ITGA1: variants seen among roughly 807,000 people sequenced by gnomAD.
ITGA1 encodes the protein integrin subunit alpha 1.
ITGA1 carries 85 observed loss-of-function variants against 145.9 expected under a neutral mutation model. The ratio of observed to expected loss-of-function variants is 0.58; its 90% CI spans 0.49 to 0.70. The LOEUF (loss-of-function observed/expected upper bound fraction) is 0.70. Among genes scored for constraint, ITGA1 ranks in the 30% least tolerant of loss-of-function variants. The pLI, the probability that ITGA1 is intolerant of heterozygous loss-of-function variation, is 0.00. For missense variants in ITGA1, 1,351 were observed against 1,418.7 expected (o/e 0.95, Z 0.77); for synonymous variants, 520 against 495.3 (o/e 1.05, Z -0.66).
In ITGA1 at chr5:52,926,737, C is replaced by T. The variant is rs533967106; in HGVS notation, c.2614-847C>T. ...CTCCTATGCTGACTTAATGGCCTGG[C>T]AGAGAGGCATAGCTAAAAAATCTGA... is the stretch of plus-strand genomic sequence containing the variant. On this transcript the variant is annotated intron_variant, in intron 19 of 28. Transcript: ENST00000282588. 2.5e-4 allele frequency among the ~76,000 whole-genome samples: 38 copies of T among 152,078 alleles called. 1 individual carries two copies. In the South Asian group the frequency reaches 4.8e-3, roughly 19 times the overall value.
chr5:52,927,752 T>C, intron 20 of ITGA1, 88 bp downstream of exon 20: 1 of 854,600 alleles, frequency 1.2e-6, no homozygotes, highest in Non-Finnish European at 1.9e-6. Flanking sequence ...CCAATGGTAG[T>C]TTAGGATAAT....
Position 52,858,365 on chromosome 5 carries a change from G to A in ITGA1, c.183-3082G>A, listed in dbSNP as rs558958993. On this transcript the variant is annotated intron_variant, in intron 2 of 28. Transcript: ENST00000282588. ...CTACTTGGCATTTATCAAAGGAGTG[G>A]TATTCTTACTTCTAAGACTTTGCTG... 2.7e-4 allele frequency among the ~76,000 whole-genome samples: 41 copies of A among 152,290 alleles called. 2 individuals are homozygous for A. The Middle Eastern group carries it at 0.034, about 126-fold the overall frequency.
intron 13 of ITGA1, among the ~76,000 whole-genome samples, chr5:52,909,274 T>C (rs1048085963): frequency 6.6e-6 from 1 of 152,050 alleles, no homozygotes; most frequent in Admixed American, 6.6e-5. Context: ...TAACAATATA[T>C]AGGATAAAGG....
intron 1 of ITGA1, among the ~76,000 whole-genome samples, chr5:52,807,713 G>A (rs1748613643): frequency 6.6e-6 from 1 of 152,160 alleles, no homozygotes; most frequent in Admixed American, 6.5e-5. Flanking sequence ...CTGGATCATA[G>A]TGGAGAATTA....
At chr5:52,825,131 C>T (rs2023624806) in intron 1 of ITGA1, 1 of 152,310 alleles carries the variant, frequency 6.6e-6, no homozygotes, top group Admixed American at 6.5e-5. Context: ...CTCCTGGGAA[C>T]TACAGATCTG....
At position 52,959,013 on chromosome 5, in the gene ITGA1, A is replaced by C. The variant is rs1054477189; in HGVS notation, c.*6562A>C. On this transcript the variant is annotated 3_prime_UTR_variant, in exon 29 of 29. Transcript: ENST00000282588. The stretch of plus-strand genomic sequence containing the variant: ...GGTAACAGTCATTTAATCTGATATA[A>C]TTAGAAATAGCTGAGAGAGTAAAAA... The C allele has an allele frequency of 3.9e-5, 6 of 152,184 alleles. No individual in the cohort carries two copies. The highest frequency in any genetic ancestry group is 1.4e-4 in the African/African-American group (6 of 41,460). The allele number at this position is 152,184 out of a possible 1,614,324, so 9.4% of individuals were successfully genotyped here. A position where few individuals can be genotyped will look rare whatever the true frequency, so the allele number is the denominator to read the frequency against.
chr5:52,861,427 C>T lies in ITGA1; in HGVS notation c.183-20C>T, dbSNP rs1561229758. On this transcript the variant is annotated intron_variant, in intron 2 of 28. Coordinates refer to ENST00000282588, the MANE Select transcript of ITGA1 (RefSeq NM_181501.2). Reference sequence around the variant, plus strand: ...GTTTCTCAATGTTCAAAAATGTTTACTGATTTATTTAACTTCCAGGGTGCT... The same window carrying T: ...GTTTCTCAATGTTCAAAAATGTTTATTGATTTATTTAACTTCCAGGGTGCT... 2 of 1,465,124 alleles carry T rather than the reference C, an allele frequency of 1.4e-6. No homozygotes were observed. The highest frequency in any genetic ancestry group is 1.9e-6 in the Non-Finnish European group (2 of 1,049,940). The allele number at this position is 1,465,124 out of a possible 1,614,324, so 90.8% of individuals were successfully genotyped here.
intron 1 of ITGA1, among the ~76,000 whole-genome samples, chr5:52,818,262 C>G (rs933705286): frequency 6.6e-6 from 1 of 152,092 alleles, no homozygotes; most frequent in Non-Finnish European, 1.5e-5. Context: ...GGTTCTCTAA[C>G]TATATTCTGT....
At chr5:52,927,703 T>C (rs748936336) in intron 20 of ITGA1, 39 bp downstream of exon 20, 18 of 1,283,678 alleles carry the variant, frequency 1.4e-5, no homozygotes, top group Non-Finnish European at 2.0e-5. Context: ...AAATTGAATA[T>C]GAAAAGTAAT....
Position 52,951,111 on chromosome 5 carries a change from T to C in ITGA1, c.3496-1296T>C, listed in dbSNP as rs994556550. Among the ~76,000 whole-genome samples, 6 of 152,276 alleles carry C rather than the reference T, an allele frequency of 3.9e-5. No homozygotes were observed. The East Asian group carries it at 7.7e-4, about 20-fold the overall frequency. On this transcript the variant is annotated intron_variant, in intron 28 of 28. Transcript: ENST00000282588. ...AAAAATTTTCCAACCTAAAAGTGCA[T>C]ATTTTTGAGGGTTTATCCCCTCTAA...
chr5:52,903,422 C>T (rs964984526), intron 11 of ITGA1: 35 of 151,502 alleles, frequency 2.3e-4, no homozygotes, highest in East Asian at 1.2e-3. Context: ...ATTACATGTT[C>T]GAAAAAATAT....
intron 26 of ITGA1, among the ~76,000 whole-genome samples, chr5:52,943,520 T>C (rs1751083978): frequency 6.6e-6 from 1 of 152,322 alleles, no homozygotes; most frequent in Admixed American, 6.5e-5. Context: ...GTCTTGCCAC[T>C]CTTGTATTTG....
In ITGA1 at chr5:52,811,171, T is replaced by C. The variant is rs568126903; in HGVS notation, c.61+22757T>C. ...TGCATTTGTGAATAACCAAGTATGATACAAGGAAGAAATCATCCATGTCAT... is the reference window on the plus strand; with the variant it reads ...TGCATTTGTGAATAACCAAGTATGACACAAGGAAGAAATCATCCATGTCAT... On this transcript the variant is annotated intron_variant, in intron 1 of 28. Coordinates refer to ENST00000282588, the MANE Select transcript of ITGA1 (RefSeq NM_181501.2). Among the ~76,000 whole-genome samples, 21 of 152,308 alleles carry C rather than the reference T, an allele frequency of 1.4e-4. No homozygotes were observed. The South Asian group carries it at 3.7e-3, about 27-fold the overall frequency.
intron 1 of ITGA1, among the ~76,000 whole-genome samples, chr5:52,820,786 G>T (rs1269877521): frequency 6.6e-6 from 1 of 152,098 alleles, no homozygotes; most frequent in Non-Finnish European, 1.5e-5. Flanking sequence ...ACATGAATAA[G>T]AAATTTATAG....
In ITGA1 at chr5:52,850,543, A is replaced by G. The variant is rs111880390; in HGVS notation, c.182+1058A>G. ...ATATCTACTTGGATAATAAAGATCTATGAATCACTATAATTATTTCATTAA... is the reference window on the plus strand; with the variant it reads ...ATATCTACTTGGATAATAAAGATCTGTGAATCACTATAATTATTTCATTAA... On this transcript the variant is annotated intron_variant, in intron 2 of 28. Transcript: ENST00000282588. Among the ~76,000 whole-genome samples, 70 of 152,334 alleles carry G rather than the reference A, an allele frequency of 4.6e-4. 2 individuals carry two copies. In the South Asian group the frequency reaches 0.011, roughly 24 times the overall value.
intron 1 of ITGA1, chr5:52,801,090 GCTC>G: frequency 1.2e-6 from 2 of 1,608,186 alleles, no homozygotes; most frequent in Non-Finnish European, 1.7e-6. Flanking sequence ...ACAACAAACT[GCTC>G]CTGGAAAACC....
At position 52,913,037 on chromosome 5, in the gene ITGA1, T is replaced by C. The variant is rs374215732; in HGVS notation, c.1858-2427T>C. 3.6e-3 allele frequency among the ~76,000 whole-genome samples: 551 copies of C among 152,044 alleles called. 7 individuals are homozygous for C. Among genetic ancestry groups the C allele is most frequent in the East Asian group, 8.2e-3 (42 of 5,150 alleles). ...TTGGGATTACAGGCGTGAGCCACCG[T>C]GCCTGGCCGTAATTACTTTATATTT... On this transcript the variant is annotated intron_variant, in intron 14 of 28. Transcript: ENST00000282588.
intron 6 of ITGA1, among the ~76,000 whole-genome samples, chr5:52,872,090 T>C (rs1349964508): frequency 6.6e-6 from 1 of 152,218 alleles, no homozygotes; most frequent in African/African-American, 2.4e-5. Flanking sequence ...AATGTCTAGA[T>C]TGTTCACATC....
chr5:52,927,020 G>A (rs1456567689), intron 19 of ITGA1, among the ~76,000 whole-genome samples: 1 of 151,986 alleles, frequency 6.6e-6, no homozygotes, highest in Non-Finnish European at 1.5e-5. Flanking sequence ...TACTTCTTAT[G>A]GGTATGTAAA....
Sources: allele counts gnomAD v4.1 joint callset (sites outside exome capture counted in the v4.1 genomes callset), GRCh38; gene constraint gnomAD v4.1.1; transcripts MANE v1.5; gene names NCBI Gene and HGNC (gene_info 2026-07-23, HGNC 2026-07-21).